Variants in GABRA4 observed in about 807,000 individuals in gnomAD.
GABRA4 encodes the protein gamma-aminobutyric acid type A receptor subunit alpha4, also known as gamma-aminobutyric acid receptor subunit alpha-4.
In GABRA4, 12 loss-of-function variants were observed where a neutral mutation model predicts 49.7. The ratio of observed to expected loss-of-function variants is 0.24; its 90% CI spans 0.15 to 0.39. The LOEUF (loss-of-function observed/expected upper bound fraction) is 0.39. Among genes scored for constraint, GABRA4 ranks in the 10% least tolerant of loss-of-function variants. GABRA4 has a pLI of 1.00. For synonymous variants in GABRA4, 288 were observed against 240.2 expected (o/e 1.20, Z -1.84); for missense variants, 506 against 686.0 (o/e 0.74, Z 2.93).
rs559694803 is a variant in GABRA4 at position 46,971,243 on chromosome 4, G to C, written c.722-8C>G. On this transcript the variant is annotated splice_polypyrimidine_tract_variant and splice_region_variant and intron_variant, in intron 6 of 8. Transcript: ENST00000264318. ...TCATAACAATATATTCACCTGCCAA[G>C]AAAACAGGAGGAAAATGTGTTATCG... 1 of 1,607,826 alleles carries C rather than the reference G, an allele frequency of 6.2e-7. No homozygotes were observed. Among genetic ancestry groups the C allele is most frequent in the African/African-American group, 1.3e-5 (1 of 74,622 alleles).
At position 46,964,973 on chromosome 4, in the gene GABRA4, C is replaced by A. The variant is rs1722700328; in HGVS notation, c.1131G>T (p.Leu377=). Residue 377 remains leucine, a synonymous_variant, in exon 8 of 9, where the codon CTG becomes CTT. Transcript: ENST00000264318. The part of the protein sequence containing the change: ...VQREKHPEAP[L]QNTNANLNMR... ...GAAGGTGGATTAAGTCAAATACCTG[C>A]AGAGGGGCTTCAGGATGCTTCTCTC... 3.8e-6 allele frequency: 6 copies of A among 1,594,414 alleles called. No homozygotes were observed. In the African/African-American group the frequency reaches 6.8e-5, roughly 18 times the overall value.
At chr4:46,987,151 C>T (rs1723571479) in intron 2 of GABRA4, among the ~76,000 whole-genome samples, 1 of 152,154 alleles carries the variant, frequency 6.6e-6, no homozygotes, top group South Asian at 2.1e-4. Context: ...CAAAGCTGTA[C>T]ACAACCTTGT....
chr4:46,954,849 C>T (rs1722287964), intron 8 of GABRA4, among the ~76,000 whole-genome samples: 1 of 152,094 alleles, frequency 6.6e-6, no homozygotes, highest in Non-Finnish European at 1.5e-5. Context: ...GCCAAACAGG[C>T]AGGGCTCAAA....
intron 8 of GABRA4, among the ~76,000 whole-genome samples, chr4:46,943,530 G>A (rs548579587): frequency 1.5e-4 from 23 of 151,916 alleles, no homozygotes; most frequent in Non-Finnish European, 3.2e-4. Context: ...CTTTTTCAGC[G>A]GCACCTGATT....
At chr4:46,981,671 T>C (rs995292531) in intron 2 of GABRA4, among the ~76,000 whole-genome samples, 3 of 152,062 alleles carry the variant, frequency 2.0e-5, no homozygotes, top group Non-Finnish European at 4.4e-5. Context: ...AAGGTGCCAT[T>C]AGGGCAGTCA....
chr4:46,953,358 G>C (rs2109360522), intron 8 of GABRA4, among the ~76,000 whole-genome samples: 1 of 152,090 alleles, frequency 6.6e-6, no homozygotes, highest in South Asian at 2.1e-4. Flanking sequence ...ACTATACTCT[G>C]TCTCCTGATG....
In GABRA4 at chr4:46,920,277, C is replaced by T. The variant is rs1208617799; in HGVS notation, c.*7948G>A. The T allele has an allele frequency of 3.3e-5, 5 of 151,478 alleles. No homozygotes were observed. The highest frequency in any genetic ancestry group is 7.4e-5 in the Non-Finnish European group (5 of 67,616). 9.4% of individuals were successfully genotyped at this position (151,478 alleles called of 1,614,324 possible). On this transcript the variant is annotated 3_prime_UTR_variant, in exon 9 of 9. Transcript: ENST00000264318. The stretch of plus-strand genomic sequence containing the variant: ...ATCTATAGTTTGCATATTAATTTGC[C>T]TTTGGAAATAATATTATGCAATTGG...
rs1312486448 is a variant in GABRA4, at chr4:46,923,102, C to G, written c.*5123G>C. ...CTGAAAACCATTCCCCCACCCTCAC[C>G]CGTGCCTGTTGCCAAAACAGTTGGG... On this transcript the variant is annotated 3_prime_UTR_variant, in exon 9 of 9. Coordinates refer to ENST00000264318, the MANE Select transcript of GABRA4 (RefSeq NM_000809.4). 2 of 152,064 alleles carry G rather than the reference C, an allele frequency of 1.3e-5. No individual in the cohort carries two copies. The highest frequency in any genetic ancestry group is 2.9e-5 in the Non-Finnish European group (2 of 68,018). 9.4% of individuals were successfully genotyped at this position (152,064 alleles called of 1,614,324 possible).
chr4:46,951,838 C>T (rs532902991), intron 8 of GABRA4, among the ~76,000 whole-genome samples: 15 of 150,806 alleles, frequency 9.9e-5, no homozygotes, highest in Middle Eastern at 3.4e-3. Flanking sequence ...AATTTTCAAG[C>T]GGTATCTTGA....
At chr4:46,992,367 C>A (rs1275375132) in intron 2 of GABRA4, among the ~76,000 whole-genome samples, 1 of 152,168 alleles carries the variant, frequency 6.6e-6, no homozygotes, top group Non-Finnish European at 1.5e-5. Context: ...CAGCTTCATG[C>A]CCCAGATTTA....
intron 2 of GABRA4, among the ~76,000 whole-genome samples, chr4:46,988,732 TACTTA>T (rs1723631160): frequency 6.6e-6 from 1 of 152,220 alleles, no homozygotes; most frequent in Admixed American, 6.5e-5. Context: ...TTTAAGGTCC[TACTTA>T]ACTTAGTAGC....
intron 8 of GABRA4, among the ~76,000 whole-genome samples, chr4:46,951,106 A>G (rs1722158821): frequency 6.6e-6 from 1 of 152,014 alleles, no homozygotes; most frequent in Admixed American, 6.6e-5. Context: ...CTTGCTTCAT[A>G]TGGGTGAGTT....
At chr4:46,942,450 T>A (rs1337414867) in intron 8 of GABRA4, among the ~76,000 whole-genome samples, 1 of 151,952 alleles carries the variant, frequency 6.6e-6, no homozygotes, top group Non-Finnish European at 1.5e-5. Flanking sequence ...TGAAACCCCA[T>A]CTCTACTAAA....
chr4:46,976,846 T>C (rs577495754), intron 5 of GABRA4, among the ~76,000 whole-genome samples: 15 of 152,072 alleles, frequency 9.9e-5, no homozygotes, highest in African/African-American at 3.6e-4. Context: ...TTAGATTATC[T>C]GTATAAATAG....
chr4:46,955,583 A>T (rs889717604), intron 8 of GABRA4, among the ~76,000 whole-genome samples: 2 of 151,980 alleles, frequency 1.3e-5, no homozygotes, highest in Non-Finnish European at 2.9e-5. Flanking sequence ...GTCACTATTT[A>T]TTTTAAATTA....
intron 6 of GABRA4, among the ~76,000 whole-genome samples, chr4:46,973,892 C>A (rs2109388808): frequency 6.6e-6 from 1 of 151,804 alleles, no homozygotes; most frequent in African/African-American, 2.4e-5. Flanking sequence ...CAAAAATCAT[C>A]AAAAACCGAA....
intron 8 of GABRA4, among the ~76,000 whole-genome samples, chr4:46,960,048 C>T (rs952948903): frequency 2.5e-4 from 37 of 150,662 alleles, no homozygotes; most frequent in African/African-American, 8.7e-4. Context: ...AAATAACTTC[C>T]AAAATACATG....
rs1721276962 is a variant in GABRA4, at chr4:46,927,755, CA to C, written c.*469del. 1 of 155,030 alleles carries C rather than the reference CA, an allele frequency of 6.5e-6. No individual in the cohort carries two copies. Among genetic ancestry groups the C allele is most frequent in the Non-Finnish European group, 1.4e-5 (1 of 70,108 alleles). 9.6% of individuals were successfully genotyped at this position (155,030 alleles called of 1,614,324 possible). ...TTCCTTTTGCCAATGTTTAATTTAA[CA>C]GGAAAATTCCTTTTCTTGAAGTTCC... On this transcript the variant is annotated 3_prime_UTR_variant, in exon 9 of 9. Transcript: ENST00000264318.
chr4:46,941,231 A>T (rs1721776520), intron 8 of GABRA4, among the ~76,000 whole-genome samples: 1 of 152,016 alleles, frequency 6.6e-6, no homozygotes, highest in African/African-American at 2.4e-5. Context: ...AACCAAAACT[A>T]TGAACTATCA....
Sources: gnomAD v4.1 joint callset for allele counts (sites outside exome capture counted in the v4.1 genomes callset) on GRCh38, gnomAD v4.1.1 for gene constraint, MANE v1.5 for transcripts, NCBI Gene and HGNC (gene_info 2026-07-23, HGNC 2026-07-21) for gene names.